The following DRC9 variants were observed in gnomAD, a reference collection of about 807,000 sequenced individuals.
The protein encoded by DRC9 is dynein regulatory complex subunit 9, also known as dynein regulatory complex protein 9.
the DRC9 span, among the ~76,000 whole-genome samples, chr3:197,924,233 C>A: frequency 6.6e-6 from 1 of 151,434 alleles, no homozygotes; most frequent in Non-Finnish European, 1.5e-5. Context: ...GTGGTGCATG[C>A]CTGTAGTCCC....
At chr3:197,919,019 G>A in the DRC9 span, among the ~76,000 whole-genome samples, 1 of 151,926 alleles carries the variant, frequency 6.6e-6, no homozygotes, top group Non-Finnish European at 1.5e-5. Flanking sequence ...TGTTAGTCAG[G>A]CTGGTCTCAA....
At chr3:197,935,597 C>G in the DRC9 span, among the ~76,000 whole-genome samples, 5 of 152,086 alleles carry the variant, frequency 3.3e-5, no homozygotes, top group South Asian at 2.1e-4. Flanking sequence ...GGTCCTCCCC[C>G]GCCTCAGCCT....
At chr3:197,954,411 G>A in the DRC9 span, 1 of 500,248 alleles carries the variant, frequency 2.0e-6, no homozygotes, top group Non-Finnish European at 3.6e-6. Flanking sequence ...ACAGCTTATT[G>A]CAGCCTCGAC....
the DRC9 span, among the ~76,000 whole-genome samples, chr3:197,903,999 T>C: frequency 2.3e-5 from 3 of 132,440 alleles, no homozygotes; most frequent in Non-Finnish European, 4.7e-5. Flanking sequence ...CACATATATA[T>C]ATACATACAT....
chr3:197,953,957 C>T, the DRC9 span: 6 of 1,606,544 alleles, frequency 3.7e-6, no homozygotes, highest in Admixed American at 5.0e-5. Context: ...AATTTGTATC[C>T]AACTATATCA....
the DRC9 span, among the ~76,000 whole-genome samples, chr3:197,909,745 C>A: frequency 2.5e-4 from 38 of 152,326 alleles, 1 homozygote; most frequent in East Asian, 7.1e-3. Context: ...GTAATCCCAG[C>A]ACTTTGGGAG....
At chr3:197,933,051 A>T in the DRC9 span, among the ~76,000 whole-genome samples, 8 of 76,086 alleles carry the variant, frequency 1.1e-4, no homozygotes, top group Non-Finnish European at 1.8e-4. Flanking sequence ...CATATATATA[A>T]AATACATATA....
At chr3:197,912,601 T>C in the DRC9 span, 2 of 1,052,268 alleles carry the variant, frequency 1.9e-6, no homozygotes, top group Non-Finnish European at 2.9e-6. Context: ...TCCTTCAAAA[T>C]ATTCTTTTTG....
the DRC9 span, chr3:197,950,345 A>C: frequency 8.2e-7 from 1 of 1,223,836 alleles, no homozygotes; most frequent in African/African-American, 1.6e-5. Context: ...ACGGGTTTCA[A>C]GAAGAGGGAG....
the DRC9 span, among the ~76,000 whole-genome samples, chr3:197,931,188 A>G: frequency 6.6e-6 from 1 of 152,088 alleles, no homozygotes. Context: ...TCAACATCCA[A>G]AGAGAGTTCC....
chr3:197,906,022 A>G, the DRC9 span, among the ~76,000 whole-genome samples: 2 of 151,920 alleles, frequency 1.3e-5, no homozygotes, highest in Non-Finnish European at 2.9e-5. Flanking sequence ...TGATGATTAA[A>G]AAAAAAAAAA....
chr3:197,889,811 T>G, the DRC9 span: 1 of 1,387,962 alleles, frequency 7.2e-7, no homozygotes, highest in Non-Finnish European at 1.0e-6. Context: ...AACTTCTGTC[T>G]GACAAACAGT....
At chr3:197,912,856 G>T in the DRC9 span, 101 of 874,346 alleles carry the variant, frequency 1.2e-4, no homozygotes, top group Non-Finnish European at 1.9e-5. Flanking sequence ...CCCTTTACCA[G>T]CTGGGATCCC....
At chr3:197,924,765 G>A in the DRC9 span, among the ~76,000 whole-genome samples, 5 of 152,106 alleles carry the variant, frequency 3.3e-5, no homozygotes, top group South Asian at 2.1e-4. Flanking sequence ...TGATCCGCCC[G>A]TCTTGGCTTC....
At chr3:197,946,239 T>A in the DRC9 span, among the ~76,000 whole-genome samples, 1 of 151,768 alleles carries the variant, frequency 6.6e-6, no homozygotes, top group East Asian at 1.9e-4. Flanking sequence ...ATCGAGACCA[T>A]CCTGGCTAAC....
the DRC9 span, among the ~76,000 whole-genome samples, chr3:197,903,734 T>C: frequency 6.6e-6 from 1 of 151,988 alleles, no homozygotes; most frequent in Non-Finnish European, 1.5e-5. Flanking sequence ...ATTTGCAAAC[T>C]ACCTATATGA....
the DRC9 span, among the ~76,000 whole-genome samples, chr3:197,936,998 T>C: frequency 6.6e-6 from 1 of 152,178 alleles, no homozygotes; most frequent in African/African-American, 2.4e-5. Flanking sequence ...ACGTAGTAAA[T>C]ATTCGGCTTT....
the DRC9 span, chr3:197,943,712 A>C: frequency 1.6e-6 from 2 of 1,251,240 alleles, no homozygotes; most frequent in Non-Finnish European, 2.3e-6. Context: ...TTAATGGGAT[A>C]GGTACTATAA....
chr3:197,914,128 C>A, the DRC9 span: 4 of 1,099,354 alleles, frequency 3.6e-6, no homozygotes, highest in South Asian at 1.3e-5. Flanking sequence ...CCCTTTTATG[C>A]GTATAAATCA....
Sources: allele counts gnomAD v4.1 joint callset (sites outside exome capture counted in the v4.1 genomes callset), GRCh38; gene constraint gnomAD v4.1.1; transcripts MANE v1.5; gene names NCBI Gene and HGNC (gene_info 2026-07-23, HGNC 2026-07-21).